INAVA: variants seen among roughly 807,000 people sequenced by gnomAD.
The protein encoded by INAVA is innate immunity activator.
In INAVA, 32 loss-of-function variants were observed where a neutral mutation model predicts 55.3. That is an observed-to-expected ratio of 0.58 (90% CI 0.44 to 0.78). The LOEUF is 0.78. INAVA is among the 30% of genes least tolerant of loss of function. The pLI is 0.00. For synonymous variants in INAVA, 294 were observed against 329.4 expected (o/e 0.89, Z 1.16); for missense variants, 756 against 786.4 (o/e 0.96, Z 0.46).
At chr1:200,912,954 C>T (rs1653812168) in intron 9 of INAVA, among the ~76,000 whole-genome samples, 1 of 152,168 alleles carries the variant, frequency 6.6e-6, no homozygotes, top group African/African-American at 2.4e-5. Context: ...TTTCTTCATT[C>T]TGGAAGTGGG....
At chr1:200,897,556 C>T (rs144557999) in intron 1 of INAVA, among the ~76,000 whole-genome samples, 2 of 152,184 alleles carry the variant, frequency 1.3e-5, no homozygotes, top group South Asian at 2.1e-4. Flanking sequence ...GCCACTGGGG[C>T]GTAGGACATG....
chr1:200,896,100 T>C (rs1297664205), intron 1 of INAVA, among the ~76,000 whole-genome samples: 2 of 152,108 alleles, frequency 1.3e-5, no homozygotes, highest in Non-Finnish European at 2.9e-5. Context: ...CCTCTGTCCC[T>C]GTAAGTCCCC....
At chr1:200,906,080 T>C (rs537709155) in intron 5 of INAVA, 1 of 152,368 alleles carries the variant, frequency 6.6e-6, no homozygotes, top group South Asian at 2.1e-4. Context: ...ATTACCTGAA[T>C]TAATATATAT....
intron 1 of INAVA, among the ~76,000 whole-genome samples, chr1:200,897,488 C>T (rs929614845): frequency 7.2e-5 from 11 of 152,176 alleles, no homozygotes; most frequent in East Asian, 1.9e-4. Context: ...TCCTGGACTT[C>T]GGAGGCCCCA....
intron 5 of INAVA, among the ~76,000 whole-genome samples, chr1:200,902,494 A>AC (rs1400023949): frequency 6.6e-6 from 1 of 152,180 alleles, no homozygotes; most frequent in Non-Finnish European, 1.5e-5. Context: ...AAATGGCCAG[A>AC]CCTCTGTCCG....
chr1:200,891,962 G>A (rs557231801), upstream of INAVA, among the ~76,000 whole-genome samples: 2 of 151,760 alleles, frequency 1.3e-5, no homozygotes, highest in Non-Finnish European at 2.9e-5. Context: ...AAGGAGCAAA[G>A]TCTCGGGCCA....
At chr1:200,908,267 A>C (rs978436287) in intron 6 of INAVA, 1 of 223,820 alleles carries the variant, frequency 4.5e-6, no homozygotes, top group African/African-American at 2.3e-5. Context: ...GGAAGGAAAC[A>C]CAAGTCTATA....
intron 1 of INAVA, among the ~76,000 whole-genome samples, chr1:200,897,450 T>TCCAGGGCGCCAATTCAGAGA (rs1326716205): frequency 1.3e-5 from 2 of 152,008 alleles, no homozygotes. Context: ...AAGTTCAGAG[T>TCCAGGGCGCCAATTCAGAGA]CCAGGGCGCC....
chr1:200,909,137 C>A, intron 7 of INAVA, 87 bp from the exon 8 acceptor site: 1 of 1,435,602 alleles, frequency 7.0e-7, no homozygotes, highest in Non-Finnish European at 9.3e-7. Context: ...TTGGGAGCCC[C>A]TTCCACTGCA....
chr1:200,894,531 T>C (rs568081506), upstream of INAVA, among the ~76,000 whole-genome samples: 15 of 152,270 alleles, frequency 9.9e-5, no homozygotes, highest in African/African-American at 3.6e-4. Flanking sequence ...GTTTTTTCCA[T>C]GGACAGTGGA....
In INAVA at chr1:200,900,179, G is replaced by A. The variant is rs143113068; in HGVS notation, c.256G>A (p.Gly86Arg). The A allele has an allele frequency of 1.4e-5, 23 of 1,614,026 alleles. No individual in the cohort carries two copies. Among genetic ancestry groups the A allele is most frequent in the Admixed American group, 3.3e-5 (2 of 59,996 alleles). Reference protein sequence around the residue: ...EKAPKVRRRIGAAYKLDDWAL... With the variant: ...EKAPKVRRRIRAAYKLDDWAL... ...GGCCCCCAAGGTTCGCCGCAGGATCGGAGCGGCTTACAAACTGGATGACTG... is the reference window on the plus strand; with the variant it reads ...GGCCCCCAAGGTTCGCCGCAGGATCAGAGCGGCTTACAAACTGGATGACTG... The change falls in exon 4 of 10, where the codon GGA becomes AGA. Residue 86 changes from glycine to arginine, a missense_variant. This residue lies in a region of INAVA where 639 missense variants were observed against 624.3 expected (regional missense o/e 1.02). Transcript: ENST00000413687.
At chr1:200,908,329 G>A (rs956924743) in intron 6 of INAVA, among the ~76,000 whole-genome samples, 3 of 152,214 alleles carry the variant, frequency 2.0e-5, no homozygotes, top group South Asian at 2.1e-4. Flanking sequence ...AAGGTGGATC[G>A]AGAAGCTGTT....
In INAVA at chr1:200,911,715, G is replaced by C. The variant is rs144868027; in HGVS notation, c.1222G>C (p.Gly408Arg). The change falls in exon 9 of 10, where the codon GGG (glycine) becomes CGG (arginine). Residue 408 changes from glycine to arginine, a missense_variant. Gly to Arg is a moderately radical substitution (Grantham distance 125, BLOSUM62 -2). Around this residue, in one of 2 missense-constraint regions of INAVA, gnomAD observed 639 missense variants for 624.3 expected, o/e 1.02. Coordinates refer to ENST00000413687, the MANE Select transcript of INAVA (RefSeq NM_001142569.3). Reference protein sequence around the residue: ...LSPPKTHRHRGAWVPAGSREL... With the variant: ...LSPPKTHRHRRAWVPAGSREL... ...CCCTCCCAAGACCCATCGTCACCGC[G>C]GGGCCTGGGTCCCAGCCGGCAGCAG... 63 of 1,613,086 alleles carry C rather than the reference G, an allele frequency of 3.9e-5. No homozygotes were observed. The highest frequency in any genetic ancestry group is 5.3e-5 in the Non-Finnish European group (62 of 1,179,438).
rs1172605603 is a variant in INAVA at position 200,898,594 on chromosome 1, G to A, written c.55+139G>A. 4.3e-6 allele frequency: 4 copies of A among 938,384 alleles called. No homozygotes were observed. The East Asian group carries it at 1.0e-4, about 24-fold the overall frequency. The allele number at this position is 938,384 out of a possible 1,614,324, so 58.1% of individuals were successfully genotyped here. On this transcript the variant is annotated intron_variant, in intron 2 of 9. Transcript: ENST00000413687. Reference sequence around the variant, plus strand: ...CCCAAGGGCTGAGAGGAAGGGGAGGGAGAGGCCTCTGCTGGGAGGAGGGGG... The same window carrying A: ...CCCAAGGGCTGAGAGGAAGGGGAGGAAGAGGCCTCTGCTGGGAGGAGGGGG...
chr1:200,909,101 G>C (rs1178954893), intron 7 of INAVA, 123 bp from the exon 8 acceptor site: 1 of 1,314,912 alleles, frequency 7.6e-7, no homozygotes, highest in East Asian at 2.5e-5. Context: ...GTTCCCCAAG[G>C]GTGCTGGCAG....
chr1:200,903,225 C>G (rs1348225387), intron 5 of INAVA: 1 of 152,282 alleles, frequency 6.6e-6, no homozygotes, highest in Non-Finnish European at 1.5e-5. Flanking sequence ...GTGGCTCATG[C>G]CTGTAATCCC....
chr1:200,900,849 C>G lies in INAVA; in HGVS notation c.298-88C>G, dbSNP rs1653216499. 9 of 1,007,038 alleles carry G rather than the reference C, an allele frequency of 8.9e-6. No homozygotes were observed. The South Asian group carries it at 1.5e-4, about 17-fold the overall frequency. The allele number at this position is 1,007,038 out of a possible 1,614,324, so 62.4% of individuals were successfully genotyped here. A position where few individuals can be genotyped will look rare whatever the true frequency, so the allele number is the denominator to read the frequency against. On this transcript the variant is annotated intron_variant, in intron 4 of 9. Coordinates refer to ENST00000413687, the MANE Select transcript of INAVA (RefSeq NM_001142569.3). ...TGTCCTCAGGGCTTAGGACTGGGAC[C>G]TAGAGCACTGTGTCAGGGCTGCTGT...
intron 5 of INAVA, among the ~76,000 whole-genome samples, chr1:200,903,260 C>T (rs145536467): frequency 2.5e-3 from 379 of 152,122 alleles, no homozygotes; most frequent in African/African-American, 8.4e-3. Flanking sequence ...CCAAGGTGGG[C>T]GGATCATGAG....
rs774561597 is a variant in INAVA at position 200,909,233 on chromosome 1, C to T, written c.795C>T (p.Ala265=). The T allele has an allele frequency of 6.6e-7, 1 of 1,519,122 alleles. No individual in the cohort carries two copies. The highest frequency in any genetic ancestry group is 8.9e-7 in the Non-Finnish European group (1 of 1,129,576). 94.1% of individuals were successfully genotyped at this position (1,519,122 alleles called of 1,614,324 possible). Residue 265 remains alanine, a synonymous_variant, in exon 8 of 10, where the codon GCC becomes GCT. Transcript: ENST00000413687. The part of the protein sequence containing the change: ...SEPWSESSSP[A]TTPQDGPSAS... ...TCTAATCCTTTTGCAGCAGCCCAGC[C>T]ACCACACCACAGGATGGGCCCAGTG... is the stretch of plus-strand genomic sequence containing the variant.
Sources: allele counts gnomAD v4.1 joint callset (sites outside exome capture counted in the v4.1 genomes callset), GRCh38; gene constraint gnomAD v4.1.1; regional missense constraint gnomAD v4.1.1; transcripts MANE v1.5; gene names NCBI Gene and HGNC (gene_info 2026-07-23, HGNC 2026-07-21).